Variants in CORO7 observed in about 807,000 individuals in gnomAD.
CORO7 encodes coronin 7.
Under a neutral mutation model 126.6 loss-of-function variants are expected in CORO7, and 107 were observed. The observed-to-expected ratio is 0.85, with a 90% CI of 0.72 to 0.99. CORO7 has a LOEUF of 0.99. Ranked by LOEUF, CORO7 falls within the 50% of genes least tolerant of loss-of-function variation. The pLI is 0.00. For synonymous variants in CORO7, 603 were observed against 536.8 expected (o/e 1.12, Z -1.70); for missense variants, 1,314 against 1,255.8 (o/e 1.05, Z -0.70).
At chr16:4,407,454 T>C in intron 5 of CORO7, 47 bp downstream of exon 5, 1 of 1,547,712 alleles carries the variant, frequency 6.5e-7, no homozygotes, top group African/African-American at 1.4e-5. Flanking sequence ...CGGAGTGCTG[T>C]CCAGAGTGGG....
At chr16:4,366,999 C>A (rs540541633) in intron 9 of CORO7, among the ~76,000 whole-genome samples, 1 of 152,328 alleles carries the variant, frequency 6.6e-6, no homozygotes, top group Non-Finnish European at 1.5e-5. Flanking sequence ...AAGGGCCCAG[C>A]CGCCCTCCAC....
intron 2 of CORO7, 74 bp from the exon 3 acceptor site, chr16:4,412,504 G>C: frequency 6.5e-7 from 1 of 1,536,102 alleles, no homozygotes; most frequent in Non-Finnish European, 9.0e-7. Flanking sequence ...GGATCCCAGA[G>C]ATGAAATCCA....
chr16:4,388,554 T>G lies in CORO7; in HGVS notation c.693A>C (p.Gly231=). ...MGTWEHLVST[G]FNQMREREVK... is the part of the protein sequence containing the mutation. ...AGGAGGAACCCCCTACCTGGTTGAA[T>G]CCAGTAGACACAAGGTGCTCCCAGG... Residue 231 remains glycine, a synonymous_variant, in exon 8 of 28, where the codon GGA becomes GGC. Coordinates refer to ENST00000251166, the MANE Select transcript of CORO7 (RefSeq NM_024535.5). The G allele has an allele frequency of 1.2e-6, 2 of 1,612,524 alleles. No homozygotes were observed. Among genetic ancestry groups the G allele is most frequent in the South Asian group, 2.2e-5 (2 of 90,748 alleles).
Position 4,382,706 on chromosome 16 carries a change from A to G in CORO7, c.785+5280T>C, listed in dbSNP as rs1596308743. The G allele has an allele frequency of 3.2e-6, 5 of 1,549,722 alleles. No homozygotes were observed. In the East Asian group the frequency reaches 9.7e-5, roughly 30 times the overall value. ...GGGCGGGCCATGGCAGCAGCGGCTC[A>G]GGACAAAGGGCAGGTGGGGCCAGGG... On this transcript the variant is annotated intron_variant, in intron 9 of 27. Transcript: ENST00000251166.
intron 9 of CORO7, among the ~76,000 whole-genome samples, chr16:4,366,543 T>TTC (rs1240395411): frequency 2.0e-5 from 3 of 149,126 alleles, no homozygotes; most frequent in African/African-American, 7.4e-5. Context: ...TGCTTTTTTT[T>TTC]TTTTTTTTTT....
chr16:4,370,517 C>A (rs907290194), intron 9 of CORO7, among the ~76,000 whole-genome samples: 2 of 152,218 alleles, frequency 1.3e-5, no homozygotes, highest in Non-Finnish European at 2.9e-5. Flanking sequence ...ATAAAGCCTG[C>A]ACTAAATGCA....
chr16:4,393,957 C>T (rs779549075), intron 7 of CORO7, among the ~76,000 whole-genome samples: 51 of 151,196 alleles, frequency 3.4e-4, no homozygotes, highest in Non-Finnish European at 6.6e-4. Flanking sequence ...AAAAATTAGC[C>T]GGGCATGGTG....
chr16:4,379,190 G>A (rs898143581), intron 9 of CORO7, among the ~76,000 whole-genome samples: 1 of 152,110 alleles, frequency 6.6e-6, no homozygotes. Context: ...CAGCCTGTGT[G>A]GGGGAAGGGG....
Position 4,362,708 on chromosome 16 carries a change from T to C in CORO7, c.1306A>G (p.Thr436Ala). 1 of 1,451,342 alleles carries C rather than the reference T, an allele frequency of 6.9e-7. No homozygotes were observed. The highest frequency in any genetic ancestry group is 9.1e-7 in the Non-Finnish European group (1 of 1,098,226). The allele number at this position is 1,451,342 out of a possible 1,614,324, so 89.9% of individuals were successfully genotyped here. The part of the protein sequence containing the change: ...EGFSSPPSSL[T>A]SPSTPSSLGP... ...AGGCTGGAGGGCGTGGAGGGCGAGGTCAGCGAACTGGGAGGGGAAGAGAAA... is the reference window on the plus strand; with the variant it reads ...AGGCTGGAGGGCGTGGAGGGCGAGGCCAGCGAACTGGGAGGGGAAGAGAAA... Residue 436 changes from threonine to alanine, a missense_variant, in exon 15 of 28, where the codon ACC (threonine) becomes GCC (alanine). By Grantham distance (58) the Thr-to-Ala change is moderately conservative. Coordinates refer to ENST00000251166, the MANE Select transcript of CORO7 (RefSeq NM_024535.5). The surrounding 1 kb of genome is among the most constrained non-coding windows in gnomAD (Gnocchi z 5.3).
At chr16:4,356,762 A>AC (rs1422325374) in intron 26 of CORO7, 1 of 223,718 alleles carries the variant, frequency 4.5e-6, no homozygotes, top group Non-Finnish European at 9.1e-6. Context: ...TACAGCCCTG[A>AC]CAAAATCGAT....
At chr16:4,415,917 C>T in intron 1 of CORO7, 1 of 985,622 alleles carries the variant, frequency 1.0e-6, no homozygotes, top group Non-Finnish European at 1.2e-6. Context: ...GCGCCAGCGG[C>T]GAGAGGAGGA....
intron 9 of CORO7, chr16:4,381,595 G>A (rs894630608): frequency 1.2e-6 from 2 of 1,600,950 alleles, no homozygotes; most frequent in Non-Finnish European, 1.7e-6. Context: ...AGGCCTCCGG[G>A]GCCTGACGCG....
chr16:4,415,288 C>G (rs1235939288), intron 1 of CORO7, among the ~76,000 whole-genome samples: 1 of 152,198 alleles, frequency 6.6e-6, no homozygotes, highest in Admixed American at 6.6e-5. Flanking sequence ...TCCATCCACT[C>G]ATGCTCACTT....
At position 4,361,349 on chromosome 16, in the gene CORO7, C is replaced by T. The variant is rs1437715298; in HGVS notation, c.1687+12G>A. On this transcript the variant is annotated intron_variant, in intron 17 of 27. Coordinates refer to ENST00000251166, the MANE Select transcript of CORO7 (RefSeq NM_024535.5). ...GGACCCTCCCTCAAGCCCAGGCACC[C>T]AGCCTCCTTACCCACAGCGAGGCGA... The T allele has an allele frequency of 6.2e-7, 1 of 1,611,612 alleles. No homozygotes were observed. Among genetic ancestry groups the T allele is most frequent in the Non-Finnish European group, 8.5e-7 (1 of 1,179,226 alleles).
intron 1 of CORO7, among the ~76,000 whole-genome samples, chr16:4,416,169 C>T (rs1189547738): frequency 2.0e-5 from 3 of 152,114 alleles, no homozygotes; most frequent in African/African-American, 7.2e-5. Context: ...GCCTGGGCCC[C>T]GGCTAGGAGG....
chr16:4,356,935 C>G (rs2053994402), intron 26 of CORO7: 2 of 593,584 alleles, frequency 3.4e-6, no homozygotes, highest in Non-Finnish European at 5.9e-6. Context: ...GAACTGCCGG[C>G]TTAGGCTGGG....
chr16:4,389,005 G>T (rs967566993), intron 7 of CORO7, among the ~76,000 whole-genome samples: 1 of 152,232 alleles, frequency 6.6e-6, no homozygotes, highest in African/African-American at 2.4e-5. Flanking sequence ...TGATCCTGGG[G>T]ATGTCACACT....
rs1377186341 is a variant in CORO7 at position 4,359,595 on chromosome 16, T to C, written c.2135A>G (p.Tyr712Cys). Residue 712 changes from tyrosine to cysteine, a missense_variant, in exon 22 of 28, where the codon TAT becomes TGT. Transcript: ENST00000251166. The part of the protein sequence containing the change: ...DSQSERQLLL[Y>C]EAEALAGGPL... ...TCCGCCGGCCAGGGCCTCAGCTTCA[T>C]ATAGGAGCAGCTGGCGCTCACTTTG... The C allele has an allele frequency of 1.2e-5, 20 of 1,606,710 alleles. No individual in the cohort carries two copies. Among genetic ancestry groups the C allele is most frequent in the South Asian group, 2.2e-5 (2 of 90,756 alleles).
At chr16:4,413,778 T>TCTGC (rs762942337) in intron 1 of CORO7, among the ~76,000 whole-genome samples, 10 of 151,346 alleles carry the variant, frequency 6.6e-5, no homozygotes, top group Non-Finnish European at 1.3e-4. Flanking sequence ...CCTCAAGTGA[T>TCTGC]CTGCCTGCCT....
Sources: allele counts gnomAD v4.1 joint callset (sites outside exome capture counted in the v4.1 genomes callset), GRCh38; gene constraint gnomAD v4.1.1; non-coding constraint Gnocchi (gnomAD v3.1); transcripts MANE v1.5; gene names NCBI Gene and HGNC (gene_info 2026-07-23, HGNC 2026-07-21).